VAX2: variants seen among roughly 807,000 people sequenced by gnomAD.
VAX2 encodes the protein ventral anterior homeobox 2.
Under a neutral mutation model 12.5 loss-of-function variants are expected in VAX2, and 8 were observed. That is an observed-to-expected ratio of 0.64 (90% CI 0.37 to 1.15). The LOEUF is 1.15. VAX2 is among the 50% of genes most tolerant of loss of function. The probability of loss-of-function intolerance (pLI) is 0.01; values close to 1 mark genes in which losing one functional copy is unlikely to be tolerated. For synonymous variants in VAX2, 183 were observed against 187.6 expected (o/e 0.98, Z 0.20); for missense variants, 476 against 412.9 (o/e 1.15, Z -1.32).
intron 2 of VAX2, among the ~76,000 whole-genome samples, chr2:70,922,521 G>A (rs1197162480): frequency 6.6e-6 from 1 of 152,170 alleles, no homozygotes; most frequent in Non-Finnish European, 1.5e-5. Context: ...CCTGGGGAGG[G>A]GGTAGTCAGA....
At position 70,908,343 on chromosome 2, in the gene VAX2, C is replaced by T. The variant is rs188309336; in HGVS notation, c.247+7475C>T. On this transcript the variant is annotated intron_variant, in intron 1 of 2. Transcript: ENST00000234392. Reference sequence around the variant, plus strand: ...TATCCGGTGAAAAACCTCTCCCATCCCTGTCCCCATCACCCACTTCCCACC... The same window carrying T: ...TATCCGGTGAAAAACCTCTCCCATCTCTGTCCCCATCACCCACTTCCCACC... Among the ~76,000 whole-genome samples the T allele has an allele frequency of 2.9e-4, 44 of 152,280 alleles. 1 individual carries two copies. The East Asian group carries it at 6.6e-3, about 23-fold the overall frequency.
At position 70,933,252 on chromosome 2, in the gene VAX2, C is replaced by T. The variant is rs1679747938; in HGVS notation, c.*48C>T. On this transcript the variant is annotated 3_prime_UTR_variant, in exon 3 of 3. Coordinates refer to ENST00000234392, the MANE Select transcript of VAX2 (RefSeq NM_012476.3). Reference sequence around the variant, plus strand: ...GTCCCGAGCACAGCACCTTCCCAGTCTCCTGTGCCCCAGCGGACAGCACTG... The same window carrying T: ...GTCCCGAGCACAGCACCTTCCCAGTTTCCTGTGCCCCAGCGGACAGCACTG... The T allele has an allele frequency of 6.8e-7, 1 of 1,462,618 alleles. No homozygotes were observed. Among genetic ancestry groups the T allele is most frequent in the African/African-American group, 1.4e-5 (1 of 70,060 alleles). 90.6% of individuals were successfully genotyped at this position (1,462,618 alleles called of 1,614,324 possible). A position where few individuals can be genotyped will look rare whatever the true frequency, so the allele number is the denominator to read the frequency against.
rs990389325 is a variant in VAX2, at chr2:70,902,817, A to G, written c.247+1949A>G. ...CCAGGCAGAGATGGGCTTGCACTGG[A>G]TGTGAGACAGCCTGTGTGCGTCTTC... On this transcript the variant is annotated intron_variant, in intron 1 of 2. Transcript: ENST00000234392. Among the ~76,000 whole-genome samples the G allele has an allele frequency of 2.0e-5, 3 of 152,232 alleles. No homozygotes were observed. In the East Asian group the frequency reaches 5.8e-4, roughly 29 times the overall value.
In VAX2 at chr2:70,910,114, C is replaced by T. The variant is rs552759203; in HGVS notation, c.247+9246C>T. ...TAGGTGACTTTTTTAAGAGTCCCCC[C>T]TTTTTAAGAGATACATGTTGAAATA... On this transcript the variant is annotated intron_variant, in intron 1 of 2. Transcript: ENST00000234392. Among the ~76,000 whole-genome samples the T allele has an allele frequency of 1.8e-4, 28 of 152,048 alleles. No homozygotes were observed. In the South Asian group the frequency reaches 5.8e-3, roughly 32 times the overall value.
At chr2:70,906,690 T>C (rs1395195142) in intron 1 of VAX2, among the ~76,000 whole-genome samples, 2 of 151,938 alleles carry the variant, frequency 1.3e-5, no homozygotes, top group African/African-American at 2.4e-5. Flanking sequence ...ACCGCGCGTT[T>C]CTTGTTCTTT....
At chr2:70,901,933 T>A (rs1185052448) in intron 1 of VAX2, among the ~76,000 whole-genome samples, 4 of 152,146 alleles carry the variant, frequency 2.6e-5, no homozygotes, top group African/African-American at 9.7e-5. Context: ...CCTCCCGGCT[T>A]CCTCCTGCTG....
chr2:70,917,151 CAAAAA>C (rs55909927), intron 1 of VAX2, among the ~76,000 whole-genome samples: 4 of 82,676 alleles, frequency 4.8e-5, no homozygotes, highest in African/African-American at 5.3e-5. Context: ...AACTCTGTCT[CAAAAA>C]AAAAAAAAAA....
intron 2 of VAX2, among the ~76,000 whole-genome samples, chr2:70,924,694 G>A (rs1292070736): frequency 6.6e-6 from 1 of 152,084 alleles, no homozygotes; most frequent in Non-Finnish European, 1.5e-5. Context: ...GAATTCTGTG[G>A]CATTCTCAGT....
chr2:70,911,279 T>G (rs1679178856), intron 1 of VAX2, among the ~76,000 whole-genome samples: 1 of 152,204 alleles, frequency 6.6e-6, no homozygotes, highest in Admixed American at 6.5e-5. Context: ...CCAGGTTATG[T>G]GTCTCATTCT....
intron 2 of VAX2, among the ~76,000 whole-genome samples, chr2:70,931,112 A>C (rs1553414247): frequency 6.6e-6 from 1 of 152,120 alleles, no homozygotes; most frequent in Non-Finnish European, 1.5e-5. Context: ...CCTTCCTCCC[A>C]TGAGGTTTTG....
At chr2:70,927,809 G>A (rs1360922713) in intron 2 of VAX2, among the ~76,000 whole-genome samples, 3 of 152,006 alleles carry the variant, frequency 2.0e-5, no homozygotes, top group South Asian at 4.1e-4. Flanking sequence ...AAGAGATCGC[G>A]GAGGGGGGCG....
At position 70,900,850 on chromosome 2, in the gene VAX2, C is replaced by A; in HGVS notation, c.229C>A (p.Arg77Ser). The change falls in exon 1 of 3, where the codon CGC becomes AGC. Residue 77 changes from arginine to serine, a missense_variant. By Grantham distance (110) the Arg-to-Ser change is moderately radical. Coordinates refer to ENST00000234392, the MANE Select transcript of VAX2 (RefSeq NM_012476.3). Reference sequence around the variant, plus strand: ...CGGGCCCGGCGAGGCAGACCACTGCCGCCGCATACTGGTGCGAGGTAAGGG... The same window carrying A: ...CGGGCCCGGCGAGGCAGACCACTGCAGCCGCATACTGGTGCGAGGTAAGGG... ...QPGPGEADHC[R>S]RILVRDAKGT... 6.9e-7 allele frequency: 1 copy of A among 1,439,328 alleles called. No individual in the cohort carries two copies. Among genetic ancestry groups the A allele is most frequent in the Non-Finnish European group, 9.1e-7 (1 of 1,093,324 alleles). The allele number at this position is 1,439,328 out of a possible 1,614,324, so 89.2% of individuals were successfully genotyped here. A position where few individuals can be genotyped will look rare whatever the true frequency, so the allele number is the denominator to read the frequency against.
Position 70,927,507 on chromosome 2 carries a change from A to T in VAX2, c.436-5260A>T, listed in dbSNP as rs562611515. ...CTTCCTAGTGCAGATTACAAAAACC[A>T]AGCCATCCTAGATACACAGATACCA... On this transcript the variant is annotated intron_variant, in intron 2 of 2. Transcript: ENST00000234392. 2.6e-4 allele frequency among the ~76,000 whole-genome samples: 39 copies of T among 150,670 alleles called. No individual in the cohort carries two copies. In the South Asian group the frequency reaches 8.1e-3, roughly 31 times the overall value.
chr2:70,906,739 C>T lies in VAX2; in HGVS notation c.247+5871C>T, dbSNP rs185229712. 1.9e-4 allele frequency among the ~76,000 whole-genome samples: 29 copies of T among 152,210 alleles called. No individual in the cohort carries two copies. The East Asian group carries it at 5.4e-3, about 28-fold the overall frequency. On this transcript the variant is annotated intron_variant, in intron 1 of 2. Coordinates refer to ENST00000234392, the MANE Select transcript of VAX2 (RefSeq NM_012476.3). ...AACATTAATGCGTACTCACTGTGTG[C>T]CAGACTGATCCTGGCTCAAGCTGCT...
At chr2:70,932,221 G>C (rs1325819935) in intron 2 of VAX2, among the ~76,000 whole-genome samples, 1 of 152,202 alleles carries the variant, frequency 6.6e-6, no homozygotes, top group Non-Finnish European at 1.5e-5. Context: ...ATGGAAGAGG[G>C]AGCGTGGGAA....
intron 1 of VAX2, among the ~76,000 whole-genome samples, chr2:70,906,295 T>C (rs1380154084): frequency 6.6e-6 from 1 of 152,174 alleles, no homozygotes; most frequent in Non-Finnish European, 1.5e-5. Context: ...GGATGCTGAC[T>C]GGGGACATTC....
chr2:70,907,543 T>C (rs975659030), intron 1 of VAX2, among the ~76,000 whole-genome samples: 38 of 152,230 alleles, frequency 2.5e-4, no homozygotes, highest in African/African-American at 9.2e-4. Context: ...CTGGAGACAT[T>C]GACTTTCAGA....
In VAX2 at chr2:70,932,812, C is replaced by G. The variant is rs782667630; in HGVS notation, c.481C>G (p.Gln161Glu). The change falls in exon 3 of 3, where the codon CAG becomes GAG. Residue 161 changes from glutamine (Q) to glutamate (E), a missense_variant. Transcript: ENST00000234392. ...CCGCCGCACCAAGCAGAAGAAAGAC[C>G]AGAGCAGAGACCTGGAGAAGCGGGC... Reference protein sequence around the residue: ...QNRRTKQKKDQSRDLEKRASS... With the variant: ...QNRRTKQKKDESRDLEKRASS... The G allele has an allele frequency of 1.2e-6, 2 of 1,607,228 alleles. No individual in the cohort carries two copies. The highest frequency in any genetic ancestry group is 1.7e-6 in the Non-Finnish European group (2 of 1,176,630).
intron 1 of VAX2, among the ~76,000 whole-genome samples, chr2:70,903,718 A>C (rs78592743): frequency 6.6e-6 from 1 of 151,962 alleles, no homozygotes. Context: ...GAGGTGACCC[A>C]CGAACCACTT....
Sources: gnomAD v4.1 joint callset for allele counts (sites outside exome capture counted in the v4.1 genomes callset) on GRCh38, gnomAD v4.1.1 for gene constraint, MANE v1.5 for transcripts, NCBI Gene and HGNC (gene_info 2026-07-23, HGNC 2026-07-21) for gene names.